ZNF396: variants seen among roughly 807,000 people sequenced by gnomAD.
The protein encoded by ZNF396 is zinc finger and SCAN domain-containing protein 14.
A neutral mutation model predicts 20.5 loss-of-function variants in ZNF396; 14 were observed. The observed-to-expected ratio is 0.68, with a 90% CI of 0.45 to 1.07. The LOEUF is 1.07. Ranked by LOEUF, ZNF396 falls within the 50% of genes least tolerant of loss-of-function variation. The pLI, the probability that ZNF396 is intolerant of heterozygous loss-of-function variation, is 0.00. For synonymous variants in ZNF396, 119 were observed against 140.6 expected, an observed-to-expected ratio of 0.85 and a Z score of 1.08; for missense variants, 347 against 390.1, an observed-to-expected ratio of 0.89 and a Z score of 0.93.
At chr18:35,373,079 C>T (rs561045515) in intron 3 of ZNF396, 16 of 242,764 alleles carry the variant, frequency 6.6e-5, no homozygotes, top group South Asian at 1.7e-4. Flanking sequence ...GATTCTGCTA[C>T]GAGATCCCAC....
chr18:35,374,493 T>TTTTA lies in ZNF396; in HGVS notation c.-72-133_-72-130dup, dbSNP rs760874008. On this transcript the variant is annotated intron_variant, in intron 1 of 3. Coordinates refer to ENST00000589332, the MANE Select transcript of ZNF396 (RefSeq NM_001322286.2). This position sits in a 1 kb window ranked among gnomAD's most constrained non-coding sequence, Gnocchi z 4.3. ...ACCTTAGTCTTAACAGAAACCATGC[T>TTTTA]TTTATTTATTTATTTATTTTTGAGA... 9 of 470,590 alleles carry TTTTA rather than the reference T, an allele frequency of 1.9e-5. No individual in the cohort carries two copies. The highest frequency in any genetic ancestry group is 1.4e-4 in the Admixed American group (4 of 28,694). The allele number at this position is 470,590 out of a possible 1,614,324, so 29.2% of individuals were successfully genotyped here.
Position 35,374,060 on chromosome 18 carries a change from T to C in ZNF396, c.233A>G (p.His78Arg), listed in dbSNP as rs144629150. Residue 78 changes from histidine to arginine, a missense_variant, in exon 2 of 4, where the codon CAT becomes CGT. Physicochemically the swap from His to Arg is conservative, Grantham distance 29. Transcript: ENST00000589332. This position sits in a 1 kb window ranked among gnomAD's most constrained non-coding sequence, Gnocchi z 4.3. Reference sequence around the variant, plus strand: ...GTGCACTTCCGGCCTCAGCCAGAGATGACAAAGTTCCCAGAGCCGGCTCAG... The same window carrying C: ...GTGCACTTCCGGCCTCAGCCAGAGACGACAAAGTTCCCAGAGCCGGCTCAG... ...EALSRLWELCHLWLRPEVHTK... is the reference protein window; with the variant it reads ...EALSRLWELCRLWLRPEVHTK... The C allele has an allele frequency of 7.4e-6, 12 of 1,614,208 alleles. No homozygotes were observed. The South Asian group carries it at 7.7e-5, about 10-fold the overall frequency.
chr18:35,375,765 C>CAA (rs770279782), intron 1 of ZNF396, among the ~76,000 whole-genome samples: 2 of 152,188 alleles, frequency 1.3e-5, no homozygotes, highest in African/African-American at 4.8e-5. Context: ...TTGTTTGAGA[C>CAA]AGAGTCTGGC....
chr18:35,370,196 A>G (rs919477591), intron 3 of ZNF396, among the ~76,000 whole-genome samples: 1 of 152,254 alleles, frequency 6.6e-6, no homozygotes, highest in Admixed American at 6.5e-5. Flanking sequence ...GATAACTAGT[A>G]CCTCAAAAGA....
rs751845217 is a variant in ZNF396 at position 35,368,300 on chromosome 18, A to G, written c.*915T>C. 1.9e-6 allele frequency: 2 copies of G among 1,027,572 alleles called. No individual in the cohort carries two copies. Among genetic ancestry groups the G allele is most frequent in the Non-Finnish European group, 2.7e-6 (2 of 740,308 alleles). The allele number at this position is 1,027,572 out of a possible 1,614,324, so 63.7% of individuals were successfully genotyped here. A position where few individuals can be genotyped will look rare whatever the true frequency, so the allele number is the denominator to read the frequency against. Reference sequence around the variant, plus strand: ...TTTTCCAACACGGGAAATTAACTTGATATTAATAGTATGGAGGCTCTTGTG... The same window carrying G: ...TTTTCCAACACGGGAAATTAACTTGGTATTAATAGTATGGAGGCTCTTGTG... On this transcript the variant is annotated 3_prime_UTR_variant, in exon 4 of 4. Coordinates refer to ENST00000589332, the MANE Select transcript of ZNF396 (RefSeq NM_001322286.2).
At chr18:35,371,919 A>G (rs2045185804) in intron 3 of ZNF396, 1 of 152,214 alleles carries the variant, frequency 6.6e-6, no homozygotes, top group Non-Finnish European at 1.5e-5. Flanking sequence ...AGTGACCTCA[A>G]TGATTAGTCA....
intron 1 of ZNF396, among the ~76,000 whole-genome samples, chr18:35,376,759 C>G (rs73946574): frequency 1.3e-4 from 20 of 152,236 alleles, no homozygotes; most frequent in South Asian, 1.2e-3. Flanking sequence ...CAGCACCAGG[C>G]GCAGAATCTG....
rs770494194 is a variant in ZNF396 at position 35,373,629 on chromosome 18, A to C, written c.418-29T>G. 4 of 1,611,470 alleles carry C rather than the reference A, an allele frequency of 2.5e-6. No homozygotes were observed. In the East Asian group the frequency reaches 8.9e-5, roughly 36 times the overall value. ...AAAACAGGAATAATTGAGGCTGAAG[A>C]ACACCATCAGGTTGGGACTTGAGGA... On this transcript the variant is annotated intron_variant, in intron 2 of 3. Transcript: ENST00000589332.
At chr18:35,370,301 T>C (rs906357579) in intron 3 of ZNF396, among the ~76,000 whole-genome samples, 1 of 152,004 alleles carries the variant, frequency 6.6e-6, no homozygotes, top group African/African-American at 2.4e-5. Flanking sequence ...TTATTTTGTA[T>C]TACATTTAAC....
chr18:35,374,959 A>G lies in ZNF396; in HGVS notation c.-72-595T>C, dbSNP rs954309542. ...GCCAGGATTGCATAGAAGCTCCCAGATAATGGAAATAAGGGAAGCCTGAGA... is the reference window on the plus strand; with the variant it reads ...GCCAGGATTGCATAGAAGCTCCCAGGTAATGGAAATAAGGGAAGCCTGAGA... On this transcript the variant is annotated intron_variant, in intron 1 of 3. Transcript: ENST00000589332. This position sits in a 1 kb window ranked among gnomAD's most constrained non-coding sequence, Gnocchi z 4.3. 2 of 152,214 alleles carry G rather than the reference A, an allele frequency of 1.3e-5. No individual in the cohort carries two copies. The highest frequency in any genetic ancestry group is 2.9e-5 in the Non-Finnish European group (2 of 68,060). 9.4% of individuals were successfully genotyped at this position (152,214 alleles called of 1,614,324 possible). A position where few individuals can be genotyped will look rare whatever the true frequency, so the allele number is the denominator to read the frequency against.
In ZNF396 at chr18:35,373,857, C is replaced by T. The variant is rs1194543651; in HGVS notation, c.417+19G>A. 4 of 1,596,644 alleles carry T rather than the reference C, an allele frequency of 2.5e-6. No homozygotes were observed. The highest frequency in any genetic ancestry group is 3.4e-6 in the Non-Finnish European group (4 of 1,169,894). On this transcript the variant is annotated intron_variant, in intron 2 of 3. Coordinates refer to ENST00000589332, the MANE Select transcript of ZNF396 (RefSeq NM_001322286.2). The stretch of plus-strand genomic sequence containing the variant: ...CTTGACTCAGCCTGGGGGTTCATCT[C>T]CACAGGCATCCTTCTTACCTGCTTT...
intron 3 of ZNF396, 63 bp downstream of exon 3, chr18:35,373,393 G>GA: frequency 6.4e-7 from 1 of 1,557,008 alleles, no homozygotes; most frequent in Non-Finnish European, 8.7e-7. Context: ...AATCAGCTGA[G>GA]ATGTGTGTGG....
In ZNF396 at chr18:35,374,081, C is replaced by T. The variant is rs372161434; in HGVS notation, c.212G>A (p.Ser71Asn). ...QDSPGPHEAL[S>N]RLWELCHLWL... ...GAGATGACAAAGTTCCCAGAGCCGG[C>T]TCAGAGCCTCATGGGGCCCAGGTGA... The change falls in exon 2 of 4, where the codon AGC becomes AAC. Residue 71 changes from serine to asparagine, a missense_variant. Ser to Asn is a conservative substitution (Grantham distance 46). Transcript: ENST00000589332. The surrounding 1 kb of genome is among the most constrained non-coding windows in gnomAD (Gnocchi z 4.3). 37 of 1,614,126 alleles carry T rather than the reference C, an allele frequency of 2.3e-5. No individual in the cohort carries two copies. In the East Asian group the frequency reaches 6.5e-4, roughly 28 times the overall value.
rs1246348603 is a variant in ZNF396, at chr18:35,368,417, C to G, written c.*798G>C. 4.9e-6 allele frequency: 7 copies of G among 1,440,012 alleles called. No individual in the cohort carries two copies. Among genetic ancestry groups the G allele is most frequent in the Non-Finnish European group, 6.4e-6 (7 of 1,089,092 alleles). The allele number at this position is 1,440,012 out of a possible 1,614,324, so 89.2% of individuals were successfully genotyped here. Reference sequence around the variant, plus strand: ...TCTTGAAGTACATATTCTTTTGGGCCTCTGCAATCGCATGTTCATATTTTG... The same window carrying G: ...TCTTGAAGTACATATTCTTTTGGGCGTCTGCAATCGCATGTTCATATTTTG... On this transcript the variant is annotated 3_prime_UTR_variant, in exon 4 of 4. Transcript: ENST00000589332.
Position 35,368,271 on chromosome 18 carries a change from A to AT in ZNF396, c.*943dup. 1.3e-6 allele frequency: 1 copy of AT among 766,352 alleles called. No individual in the cohort carries two copies. Among genetic ancestry groups the AT allele is most frequent in the Non-Finnish European group, 1.9e-6 (1 of 517,092 alleles). The allele number at this position is 766,352 out of a possible 1,614,324, so 47.5% of individuals were successfully genotyped here. On this transcript the variant is annotated 3_prime_UTR_variant, in exon 4 of 4. Coordinates refer to ENST00000589332, the MANE Select transcript of ZNF396 (RefSeq NM_001322286.2). ...TCCAAATTACATTGCAAAGGAGATT[A>AT]TTTTTTTCCAACACGGGAAATTAAC...
chr18:35,369,761 AAGGACGG>A, intron 3 of ZNF396, 101 bp from the exon 4 acceptor site: 1 of 1,220,728 alleles, frequency 8.2e-7, no homozygotes. Context: ...ACACAATGTG[AAGGACGG>A]AGAGTGTAAG....
intron 2 of ZNF396, 99 bp from the exon 3 acceptor site, chr18:35,373,699 G>A (rs2045216895): frequency 3.9e-6 from 6 of 1,522,858 alleles, no homozygotes; most frequent in Non-Finnish European, 5.3e-6. Context: ...CATGGACACA[G>A]GAAAAGGGAG....
rs1263339059 is a variant in ZNF396 at position 35,373,447 on chromosome 18, C to T, written c.562+9G>A. ...ACCTTCCAACATGAACTGAATCCTGCCCCCTCACCATGTGGTCTTAAGGAC... is the reference window on the plus strand; with the variant it reads ...ACCTTCCAACATGAACTGAATCCTGTCCCCTCACCATGTGGTCTTAAGGAC... On this transcript the variant is annotated intron_variant, in intron 3 of 3. Coordinates refer to ENST00000589332, the MANE Select transcript of ZNF396 (RefSeq NM_001322286.2). 3.1e-6 allele frequency: 5 copies of T among 1,612,038 alleles called. No individual in the cohort carries two copies. Among genetic ancestry groups the T allele is most frequent in the South Asian group, 1.1e-5 (1 of 90,772 alleles).
rs139362187 is a variant in ZNF396, at chr18:35,372,166, C to T, written c.562+1290G>A. The stretch of plus-strand genomic sequence containing the variant: ...TCTTAAAAAAAAATGTAGGAAAGGC[C>T]TCCATGAGGACATTCACAGGTAGGA... On this transcript the variant is annotated intron_variant, in intron 3 of 3. Transcript: ENST00000589332. The T allele has an allele frequency of 2.3e-3, 356 of 152,096 alleles. 1 individual carries two copies. The highest frequency in any genetic ancestry group is 7.8e-3 in the African/African-American group (325 of 41,532). The allele number at this position is 152,096 out of a possible 1,614,324, so 9.4% of individuals were successfully genotyped here.
Sources: gnomAD v4.1 joint callset for allele counts (sites outside exome capture counted in the v4.1 genomes callset) on GRCh38, gnomAD v4.1.1 for gene constraint, Gnocchi (gnomAD v3.1) non-coding constraint, MANE v1.5 for transcripts, NCBI Gene and HGNC (gene_info 2026-07-23, HGNC 2026-07-21) for gene names.